Variants in FAM53B observed in about 807,000 individuals in gnomAD.
The protein encoded by FAM53B is family with sequence similarity 53 member B.
A neutral mutation model predicts 32.7 loss-of-function variants in FAM53B; 12 were observed. The observed-to-expected ratio is 0.37, with a 90% confidence interval of 0.24 to 0.59. The LOEUF (loss-of-function observed/expected upper bound fraction) is 0.59, where lower values mean the gene tolerates loss of function less well. Among genes scored for constraint, FAM53B ranks in the 20% least tolerant of loss-of-function variants. The pLI is 0.72. For synonymous variants in FAM53B, 234 were observed against 228.7 expected (o/e 1.02, Z -0.21); for missense variants, 477 against 577.7 (o/e 0.83, Z 1.79).
chr10:124,678,623 G>C lies in FAM53B; in HGVS notation c.906+2984C>G, dbSNP rs914508947. Among the ~76,000 whole-genome samples, 7 of 152,192 alleles carry C rather than the reference G, an allele frequency of 4.6e-5. No homozygotes were observed. The South Asian group carries it at 8.3e-4, about 18-fold the overall frequency. ...AGAGATCTTCAGTTTCCTCAAGAGA[G>C]ACTGGAATGGACAAGCTCTGAGGTC... is the stretch of plus-strand genomic sequence containing the variant. On this transcript the variant is annotated intron_variant, in intron 4 of 4. Transcript: ENST00000337318.
At chr10:124,729,558 T>C (rs1950128218) in intron 1 of FAM53B, among the ~76,000 whole-genome samples, 1 of 152,242 alleles carries the variant, frequency 6.6e-6, no homozygotes. Context: ...TGGTATGTCA[T>C]TCTTGCATTT....
At chr10:124,732,119 G>A (rs1317624503) in intron 1 of FAM53B, among the ~76,000 whole-genome samples, 1 of 152,172 alleles carries the variant, frequency 6.6e-6, no homozygotes, top group South Asian at 2.1e-4. Context: ...TAGCAATCAG[G>A]GGGTAGGACA....
intron 1 of FAM53B, chr10:124,742,408 T>A (rs920005997): frequency 3.9e-5 from 6 of 152,224 alleles, no homozygotes; most frequent in Non-Finnish European, 2.9e-5. Flanking sequence ...CCTGGCCTAA[T>A]AAGGAACAGT....
chr10:124,695,857 C>T (rs937742726), intron 3 of FAM53B, among the ~76,000 whole-genome samples: 1 of 152,116 alleles, frequency 6.6e-6, no homozygotes, highest in Admixed American at 6.5e-5. Context: ...ATTGGGGCTA[C>T]GAGAGATTTT....
intron 4 of FAM53B, among the ~76,000 whole-genome samples, chr10:124,667,907 G>A (rs1302623273): frequency 2.0e-5 from 3 of 152,284 alleles, no homozygotes; most frequent in Non-Finnish European, 4.4e-5. Flanking sequence ...TCACTCCCAC[G>A]ACATGGGGAG....
chr10:124,675,899 G>A (rs552520946), intron 4 of FAM53B, among the ~76,000 whole-genome samples: 1 of 152,360 alleles, frequency 6.6e-6, no homozygotes, highest in Non-Finnish European at 1.5e-5. Context: ...GAACAGAGAT[G>A]GTGGATGACG....
chr10:124,647,266 A>T (rs1449540421), intron 4 of FAM53B, among the ~76,000 whole-genome samples: 1 of 152,156 alleles, frequency 6.6e-6, no homozygotes, highest in Non-Finnish European at 1.5e-5. Flanking sequence ...CTCTGAGTCT[A>T]AGTGACTTGG....
chr10:124,712,647 T>G (rs1950012173), intron 1 of FAM53B, among the ~76,000 whole-genome samples: 2 of 151,948 alleles, frequency 1.3e-5, no homozygotes, highest in Non-Finnish European at 2.9e-5. Flanking sequence ...CCCTGGGCAG[T>G]GCTCATGATA....
At chr10:124,722,079 C>T (rs1488831061) in intron 1 of FAM53B, among the ~76,000 whole-genome samples, 1 of 152,096 alleles carries the variant, frequency 6.6e-6, no homozygotes, top group Non-Finnish European at 1.5e-5. Flanking sequence ...TTAAAGGATA[C>T]AAAATTACAG....
intron 4 of FAM53B, among the ~76,000 whole-genome samples, chr10:124,629,577 G>A (rs1417963551): frequency 6.6e-6 from 1 of 152,190 alleles, no homozygotes; most frequent in African/African-American, 2.4e-5. Flanking sequence ...CCCAGGCTCT[G>A]GCTGAGTGGA....
chr10:124,640,310 G>C (rs577721299), intron 4 of FAM53B, among the ~76,000 whole-genome samples: 1 of 152,206 alleles, frequency 6.6e-6, no homozygotes, highest in Admixed American at 6.5e-5. Context: ...ACAGCTCTGC[G>C]CGGCAGGTTG....
chr10:124,673,577 C>A (rs890220640), intron 4 of FAM53B, among the ~76,000 whole-genome samples: 4 of 152,208 alleles, frequency 2.6e-5, no homozygotes, highest in African/African-American at 9.7e-5. Context: ...TCAGTGGGCA[C>A]TCGCCCTAGG....
At chr10:124,685,005 C>T (rs1289423119) in intron 3 of FAM53B, among the ~76,000 whole-genome samples, 2 of 152,030 alleles carry the variant, frequency 1.3e-5, no homozygotes, top group South Asian at 2.1e-4. Flanking sequence ...CAGTAGGGGC[C>T]GGTTAAATAA....
At chr10:124,655,068 A>C (rs1012688274) in intron 4 of FAM53B, among the ~76,000 whole-genome samples, 2 of 152,184 alleles carry the variant, frequency 1.3e-5, no homozygotes, top group Non-Finnish European at 2.9e-5. Flanking sequence ...AGATGATGGC[A>C]ACACAGATTT....
At chr10:124,649,468 C>T (rs1029206856) in intron 4 of FAM53B, among the ~76,000 whole-genome samples, 1 of 152,186 alleles carries the variant, frequency 6.6e-6, no homozygotes, top group Non-Finnish European at 1.5e-5. Flanking sequence ...CAGGCCTGGC[C>T]GGCCCCACCT....
At chr10:124,703,270 G>A (rs1200167712) in intron 2 of FAM53B, among the ~76,000 whole-genome samples, 1 of 152,144 alleles carries the variant, frequency 6.6e-6, no homozygotes, top group Non-Finnish European at 1.5e-5. Context: ...GGATGGTCTT[G>A]ATCTCCTGAC....
At chr10:124,739,743 A>G (rs902491289) in intron 1 of FAM53B, among the ~76,000 whole-genome samples, 1 of 152,132 alleles carries the variant, frequency 6.6e-6, no homozygotes, top group African/African-American at 2.4e-5. Context: ...CAGCCCCCAC[A>G]GCAGGAGAGA....
rs1340874133 is a variant in FAM53B at position 124,651,516 on chromosome 10, A to G, written c.907-27912T>C. On this transcript the variant is annotated intron_variant, in intron 4 of 4. Transcript: ENST00000337318. This position sits in a 1 kb window ranked among gnomAD's most constrained non-coding sequence, Gnocchi z 5.2. ...CTGCAGGCACTGTAGCAGGGAGCCC[A>G]GCCGCTGGACGGAATCACAATCCCA... Among the ~76,000 whole-genome samples, 3 of 152,196 alleles carry G rather than the reference A, an allele frequency of 2.0e-5. No homozygotes were observed. In the East Asian group the frequency reaches 5.8e-4, roughly 29 times the overall value.
chr10:124,624,927 A>T (rs1219713261), intron 4 of FAM53B, among the ~76,000 whole-genome samples: 1 of 152,206 alleles, frequency 6.6e-6, no homozygotes, highest in African/African-American at 2.4e-5. Flanking sequence ...GAGCGAGGGA[A>T]GAGCTGCGCA....
Sources: gnomAD v4.1 joint callset for allele counts (sites outside exome capture counted in the v4.1 genomes callset) on GRCh38, gnomAD v4.1.1 for gene constraint, Gnocchi (gnomAD v3.1) non-coding constraint, MANE v1.5 for transcripts, NCBI Gene and HGNC (gene_info 2026-07-23, HGNC 2026-07-21) for gene names.